Variants in SLC2A14 observed in about 807,000 individuals in gnomAD.
SLC2A14 encodes solute carrier family 2, facilitated glucose transporter member 14.
In SLC2A14, 13 loss-of-function variants were observed where a neutral mutation model predicts 43.0. The ratio of observed to expected loss-of-function variants is 0.30; its 90% CI spans 0.20 to 0.48. SLC2A14 has a LOEUF of 0.48. SLC2A14 is among the 20% of genes least tolerant of loss of function. SLC2A14 has a pLI of 0.99. For missense variants in SLC2A14, 428 were observed against 620.4 expected, an observed-to-expected ratio of 0.69 and a Z score of 3.29; for synonymous variants, 190 against 233.8, an observed-to-expected ratio of 0.81 and a Z score of 1.71.
At chr12:7,850,868 T>TACA (rs1866882463) in intron 2 of SLC2A14, 1 of 152,184 alleles carries the variant, frequency 6.6e-6, no homozygotes, top group Non-Finnish European at 1.5e-5. Context: ...ACCTACATAC[T>TACA]ACTTGTGTTC....
intron 1 of SLC2A14, among the ~76,000 whole-genome samples, chr12:7,882,089 A>T (rs1314133114): frequency 6.6e-6 from 1 of 151,990 alleles, no homozygotes; most frequent in African/African-American, 2.4e-5. Flanking sequence ...CTACACTTGG[A>T]GGCTTTGTTC....
intron 2 of SLC2A14, among the ~76,000 whole-genome samples, chr12:7,843,921 G>C (rs1866228190): frequency 6.7e-6 from 1 of 150,252 alleles, no homozygotes; most frequent in Non-Finnish European, 1.5e-5. Flanking sequence ...TTTTCTAGTG[G>C]TGATAGAATT....
chr12:7,876,303 A>AAAAAAAAAAG (rs1555149216), upstream of SLC2A14, among the ~76,000 whole-genome samples: 21 of 133,742 alleles, frequency 1.6e-4, no homozygotes, highest in African/African-American at 5.5e-4. Context: ...AAAAAAAAAA[A>AAAAAAAAAAG]AGAGAGACAA....
At chr12:7,867,280 C>CAAAAAA (rs755003596) in intron 2 of SLC2A14, among the ~76,000 whole-genome samples, 3 of 71,150 alleles carry the variant, frequency 4.2e-5, no homozygotes, top group Non-Finnish European at 6.2e-5. Flanking sequence ...GACTCCGTCT[C>CAAAAAA]AAAAAAAAAA....
At chr12:7,882,629 G>C (rs111561470) in intron 1 of SLC2A14, among the ~76,000 whole-genome samples, 4,659 of 152,168 alleles carry the variant, frequency 0.031, 204 homozygotes, top group African/African-American at 0.092. Context: ...TTGAGCTCAG[G>C]GGTTAAAGAC....
intron 1 of SLC2A14, among the ~76,000 whole-genome samples, chr12:7,882,127 C>G (rs996766504): frequency 6.6e-6 from 1 of 152,064 alleles, no homozygotes; most frequent in Non-Finnish European, 1.5e-5. Context: ...AGTCTTGTTG[C>G]TGCTCAGTTT....
upstream of SLC2A14, chr12:7,873,369 C>A: frequency 4.1e-6 from 4 of 985,190 alleles, no homozygotes; most frequent in Non-Finnish European, 4.8e-6. Flanking sequence ...GGGCCGCGCA[C>A]GGTGGCTCAC....
chr12:7,878,685 A>G (rs895148126), intron 1 of SLC2A14, among the ~76,000 whole-genome samples: 1 of 152,052 alleles, frequency 6.6e-6, no homozygotes, highest in Non-Finnish European at 1.5e-5. Flanking sequence ...GAATGTATTA[A>G]TATGGAAATT....
intron 1 of SLC2A14, chr12:7,872,070 C>A (rs1945264403): frequency 3.8e-6 from 1 of 265,830 alleles, no homozygotes; most frequent in Middle Eastern, 1.9e-3. Context: ...TAAATTTAGT[C>A]TGTGTATTAA....
chr12:7,819,476 A>G lies in SLC2A14; in HGVS notation c.1071+6T>C, dbSNP rs765780041. The G allele has an allele frequency of 1.2e-6, 2 of 1,612,678 alleles. No individual in the cohort carries two copies. Among genetic ancestry groups the G allele is most frequent in the Non-Finnish European group, 8.5e-7 (1 of 1,179,328 alleles). On this transcript the variant is annotated splice_donor_region_variant and intron_variant, in intron 9 of 10. Transcript: ENST00000431042. ...CTCCCTTTTTTTTCACCCAAAGAGCACTTACCTTTAATAACAAAGAAACAG... is the reference window on the plus strand; with the variant it reads ...CTCCCTTTTTTTTCACCCAAAGAGCGCTTACCTTTAATAACAAAGAAACAG...
upstream of SLC2A14, among the ~76,000 whole-genome samples, chr12:7,875,244 TA>T (rs1945442983): frequency 8.1e-5 from 3 of 36,980 alleles, no homozygotes; most frequent in African/African-American, 2.3e-4. Context: ...TATATATTTA[TA>T]TATATATATA....
intron 1 of SLC2A14, among the ~76,000 whole-genome samples, chr12:7,890,458 C>G (rs539876190): frequency 1.2e-4 from 18 of 152,188 alleles, no homozygotes; most frequent in African/African-American, 3.9e-4. Flanking sequence ...ATTATTTGTA[C>G]TCTCTTAGCA....
chr12:7,862,353 G>T (rs1944617957), intron 2 of SLC2A14, among the ~76,000 whole-genome samples: 1 of 151,728 alleles, frequency 6.6e-6, no homozygotes, highest in Non-Finnish European at 1.5e-5. Flanking sequence ...GGCCGAGACA[G>T]GGTCCCCCAG....
upstream of SLC2A14, among the ~76,000 whole-genome samples, chr12:7,876,286 A>AAAAAAAAAG (rs1256658868): frequency 6.1e-5 from 9 of 147,598 alleles, no homozygotes; most frequent in Non-Finnish European, 1.3e-4. Flanking sequence ...ATCTCAAAAA[A>AAAAAAAAAG]AAAAAAAAAA....
At chr12:7,832,399 G>A (rs1225820251) in intron 3 of SLC2A14, among the ~76,000 whole-genome samples, 2 of 152,110 alleles carry the variant, frequency 1.3e-5, no homozygotes, top group Non-Finnish European at 2.9e-5. Context: ...GCACTGCCCA[G>A]GGTATAAGGA....
At chr12:7,877,611 A>C (rs183696383), upstream of SLC2A14, among the ~76,000 whole-genome samples, 849 of 149,932 alleles carry the variant, frequency 5.7e-3, 10 homozygotes, top group African/African-American at 0.019. Flanking sequence ...TTTTTAGTAG[A>C]GGTGGAGTTC....
chr12:7,840,846 A>C (rs932269694), intron 2 of SLC2A14, among the ~76,000 whole-genome samples: 8 of 152,188 alleles, frequency 5.3e-5, no homozygotes. Flanking sequence ...GAATGATCCT[A>C]AAGGTTTTGG....
chr12:7,817,578 C>A (rs997222554), intron 10 of SLC2A14, among the ~76,000 whole-genome samples: 4 of 152,054 alleles, frequency 2.6e-5, no homozygotes, highest in Non-Finnish European at 5.9e-5. Flanking sequence ...ACCATCCTGG[C>A]CAACATGGGG....
intron 7 of SLC2A14, among the ~76,000 whole-genome samples, chr12:7,825,178 A>G (rs1176923684): frequency 1.3e-5 from 2 of 151,846 alleles, no homozygotes; most frequent in Non-Finnish European, 2.9e-5. Flanking sequence ...ATTAAGGTAT[A>G]GGCTGGGCAT....
Sources: allele counts gnomAD v4.1 joint callset (sites outside exome capture counted in the v4.1 genomes callset), GRCh38; gene constraint gnomAD v4.1.1; transcripts MANE v1.5; gene names NCBI Gene and HGNC (gene_info 2026-07-23, HGNC 2026-07-21).